PIGL: variants seen among roughly 807,000 people sequenced by gnomAD.
The protein encoded by PIGL is N-acetylglucosaminyl-phosphatidylinositol de-N-acetylase.
Under a neutral mutation model 31.1 loss-of-function variants are expected in PIGL, and 22 were observed. The observed-to-expected ratio is 0.71, with a 90% CI of 0.51 to 1.01. The LOEUF (loss-of-function observed/expected upper bound fraction) is 1.01, where lower values mean the gene tolerates loss of function less well. Among genes scored for constraint, PIGL ranks in the 50% least tolerant of loss-of-function variants. PIGL has a pLI of 0.00. For synonymous variants in PIGL, 131 were observed against 117.4 expected, an observed-to-expected ratio of 1.12 and a Z score of -0.75; for missense variants, 302 against 315.9, an observed-to-expected ratio of 0.96 and a Z score of 0.33.
chr17:16,279,014 G>A (rs1026144751), intron 2 of PIGL, among the ~76,000 whole-genome samples: 4 of 152,172 alleles, frequency 2.6e-5, no homozygotes, highest in South Asian at 2.1e-4. Context: ...AGGGTAGAGC[G>A]CTTGGAGGAA....
intron 2 of PIGL, among the ~76,000 whole-genome samples, chr17:16,250,559 C>G (rs891770662): frequency 6.6e-6 from 1 of 152,024 alleles, no homozygotes; most frequent in Non-Finnish European, 1.5e-5. Context: ...CATCTCCTAA[C>G]CCAGAAAAAG....
rs1375577853 is a variant in PIGL at position 16,310,092 on chromosome 17, A to AAAAG, written c.427-3439_427-3436dup. ...GACTCCATCTCAAAAAAAAAAAAAAAAAAGAAAGAAAGAAAGAAAAAAGAA... is the reference window on the plus strand; with the variant it reads ...GACTCCATCTCAAAAAAAAAAAAAAAAAAGAAAGAAAGAAAGAAAGAAAAAAGAA... On this transcript the variant is annotated intron_variant, in intron 3 of 6. Coordinates refer to ENST00000225609, the MANE Select transcript of PIGL (RefSeq NM_004278.4). Among the ~76,000 whole-genome samples, 10 of 151,418 alleles carry AAAAG rather than the reference A, an allele frequency of 6.6e-5. No homozygotes were observed. In the South Asian group the frequency reaches 1.3e-3, roughly 19 times the overall value.
chr17:16,253,045 G>A (rs993790211), intron 2 of PIGL, among the ~76,000 whole-genome samples: 3 of 152,084 alleles, frequency 2.0e-5, no homozygotes, highest in South Asian at 2.1e-4. Flanking sequence ...TAGAGAAACC[G>A]CATTTCTACT....
chr17:16,236,366 A>G (rs1036473745), intron 2 of PIGL, among the ~76,000 whole-genome samples: 1 of 152,118 alleles, frequency 6.6e-6, no homozygotes, highest in Non-Finnish European at 1.5e-5. Flanking sequence ...ATGTTGGCTT[A>G]TATGTCCTTT....
At chr17:16,246,670 G>GTTTTTTTTTTTTTTTTTT (rs1284256034) in intron 2 of PIGL, among the ~76,000 whole-genome samples, 8 of 106,532 alleles carry the variant, frequency 7.5e-5, no homozygotes, top group African/African-American at 1.1e-4. Context: ...CCAGATCAAG[G>GTTTTTTTTTTTTTTTTTT]TCTTTTTTTT....
At chr17:16,230,698 A>G (rs1243464243) in intron 1 of PIGL, among the ~76,000 whole-genome samples, 8 of 151,688 alleles carry the variant, frequency 5.3e-5, no homozygotes, top group African/African-American at 1.9e-4. Flanking sequence ...GCTCACTGCA[A>G]CTTCTACTTC....
rs1568803006 is a variant in PIGL at position 16,258,143 on chromosome 17, G to GAGAGAGAGAA, written c.335+24082_335+24083insAAGAGAGAGA. 2.1e-3 allele frequency among the ~76,000 whole-genome samples: 127 copies of GAGAGAGAGAA among 60,698 alleles called. 1 individual carries two copies. The highest frequency in any genetic ancestry group is 4.8e-3 in the African/African-American group (117 of 24,378). 39.8% of individuals were successfully genotyped at this position (60,698 alleles called of 152,430 possible). A position where few individuals can be genotyped will look rare whatever the true frequency, so the allele number is the denominator to read the frequency against. On this transcript the variant is annotated intron_variant, in intron 2 of 6. Coordinates refer to ENST00000225609, the MANE Select transcript of PIGL (RefSeq NM_004278.4). ...AGAGAGAAAGAGAGAGAGAGAAAGA[G>GAGAGAGAGAA]AGAGAGAGAGAGAGAAAACTCGGAA...
chr17:16,307,284 T>G (rs2093030208), intron 3 of PIGL, among the ~76,000 whole-genome samples: 1 of 152,214 alleles, frequency 6.6e-6, no homozygotes, highest in Admixed American at 6.5e-5. Context: ...TTGTGGTTGT[T>G]TCCACTGTCT....
In PIGL at chr17:16,217,323, C is replaced by G; in HGVS notation, c.97C>G (p.Gln33Glu). 1 of 1,614,194 alleles carries G rather than the reference C, an allele frequency of 6.2e-7. No homozygotes were observed. Among genetic ancestry groups the G allele is most frequent in the Non-Finnish European group, 8.5e-7 (1 of 1,180,024 alleles). The change falls in exon 1 of 7, where the codon CAG (glutamine) becomes GAG (glutamate). Residue 33 changes from glutamine (Q) to glutamate (E), a missense_variant. Transcript: ENST00000225609. ...CTCAGAACGAATGAAGAGTCGGGAG[C>G]AGGGAGGACGGCTGGGAGCCGAAAG... ...DSSERMKSRE[Q>E]GGRLGAESRT...
intron 2 of PIGL, among the ~76,000 whole-genome samples, chr17:16,241,398 G>C (rs553954933): frequency 1.8e-4 from 27 of 151,702 alleles, no homozygotes; most frequent in Non-Finnish European, 1.2e-4. Context: ...AGACCAGCCT[G>C]ACCAACGTGG....
intron 2 of PIGL, among the ~76,000 whole-genome samples, chr17:16,273,749 C>T (rs2092882177): frequency 6.6e-6 from 1 of 152,174 alleles, no homozygotes; most frequent in Admixed American, 6.6e-5. Context: ...TTAGTGACTG[C>T]ATAATGCATC....
chr17:16,226,333 C>T (rs2092652208), intron 1 of PIGL, among the ~76,000 whole-genome samples: 1 of 152,168 alleles, frequency 6.6e-6, no homozygotes, highest in Non-Finnish European at 1.5e-5. Flanking sequence ...GACTTTGCTA[C>T]AGATGTCAGC....
At chr17:16,234,193 G>A (rs953096313) in intron 2 of PIGL, 123 bp downstream of exon 2, 7 of 615,576 alleles carry the variant, frequency 1.1e-5, no homozygotes, top group South Asian at 4.1e-5. Flanking sequence ...TCTAGGGCTC[G>A]GTGCCATGGT....
chr17:16,325,243 G>A (rs933738776), intron 6 of PIGL, among the ~76,000 whole-genome samples: 19 of 150,418 alleles, frequency 1.3e-4, no homozygotes, highest in Admixed American at 2.7e-4. Context: ...TACTCGGAAG[G>A]CTGAAGCAGG....
At chr17:16,258,333 C>G (rs1181367650) in intron 2 of PIGL, among the ~76,000 whole-genome samples, 2 of 150,322 alleles carry the variant, frequency 1.3e-5, no homozygotes, top group Non-Finnish European at 3.0e-5. Flanking sequence ...GTGCCTGCCA[C>G]CACACCTGGC....
At chr17:16,226,020 A>T (rs1199847427) in intron 1 of PIGL, among the ~76,000 whole-genome samples, 1 of 151,224 alleles carries the variant, frequency 6.6e-6, no homozygotes, top group South Asian at 2.1e-4. Context: ...AAAAAAAAAA[A>T]GTTAGCCAGG....
At chr17:16,293,968 GTC>G (rs1347526156) in intron 2 of PIGL, among the ~76,000 whole-genome samples, 20 of 152,154 alleles carry the variant, frequency 1.3e-4, no homozygotes, top group Non-Finnish European at 2.6e-4. Flanking sequence ...GAGAGATCTG[GTC>G]TCTCATTGGC....
At chr17:16,237,445 A>C (rs529856107) in intron 2 of PIGL, among the ~76,000 whole-genome samples, 1 of 151,424 alleles carries the variant, frequency 6.6e-6, no homozygotes, top group Non-Finnish European at 1.5e-5. Context: ...AGAAATATAT[A>C]CAGATGATTA....
intron 2 of PIGL, among the ~76,000 whole-genome samples, chr17:16,299,406 T>C (rs1322080874): frequency 6.6e-6 from 1 of 152,078 alleles, no homozygotes; most frequent in African/African-American, 2.4e-5. Flanking sequence ...ATCTCACCAT[T>C]GCACTCCAGC....
Sources: gnomAD v4.1 joint callset for allele counts (sites outside exome capture counted in the v4.1 genomes callset) on GRCh38, gnomAD v4.1.1 for gene constraint, MANE v1.5 for transcripts, NCBI Gene and HGNC (gene_info 2026-07-23, HGNC 2026-07-21) for gene names.